KIAA0319L: variants seen among roughly 807,000 people sequenced by gnomAD.
KIAA0319L encodes dyslexia-associated protein KIAA0319-like protein.
Under a neutral mutation model 120.1 loss-of-function variants are expected in KIAA0319L, and 55 were observed. The observed-to-expected ratio is 0.46, with a 90% CI of 0.37 to 0.57. KIAA0319L has a LOEUF of 0.57. KIAA0319L is among the 20% of genes least tolerant of loss of function. KIAA0319L has a pLI of 0.00. For synonymous variants in KIAA0319L, 398 were observed against 471.9 expected (o/e 0.84, Z 2.03); for missense variants, 1,049 against 1,255.3 (o/e 0.84, Z 2.48).
intron 3 of KIAA0319L, among the ~76,000 whole-genome samples, chr1:35,492,688 C>T (rs1644642759): frequency 6.6e-6 from 1 of 151,996 alleles, no homozygotes; most frequent in African/African-American, 2.4e-5. Context: ...TTGACAAAAT[C>T]CATCAATTAT....
At chr1:35,473,968 A>G (rs2149130807) in intron 5 of KIAA0319L, among the ~76,000 whole-genome samples, 1 of 152,378 alleles carries the variant, frequency 6.6e-6, no homozygotes, top group South Asian at 2.1e-4. Flanking sequence ...ATATTAACAC[A>G]TACTTCAAAG....
intron 5 of KIAA0319L, among the ~76,000 whole-genome samples, chr1:35,474,057 G>A: frequency 6.6e-6 from 1 of 152,254 alleles, no homozygotes; most frequent in East Asian, 1.9e-4. Context: ...TTATAAACTT[G>A]AATTTTGTAT....
intron 2 of KIAA0319L, among the ~76,000 whole-genome samples, chr1:35,529,314 A>G (rs1303495109): frequency 6.6e-6 from 1 of 152,184 alleles, no homozygotes; most frequent in Non-Finnish European, 1.5e-5. Context: ...TTATTTTCAT[A>G]TCTTTTGTTC....
intron 3 of KIAA0319L, among the ~76,000 whole-genome samples, chr1:35,493,254 A>G (rs969590425): frequency 1.3e-5 from 2 of 152,158 alleles, no homozygotes; most frequent in African/African-American, 4.8e-5. Flanking sequence ...GCAACAAACA[A>G]TCAGACACTG....
intron 8 of KIAA0319L, among the ~76,000 whole-genome samples, chr1:35,461,625 C>T (rs922068781): frequency 6.6e-6 from 1 of 152,166 alleles, no homozygotes; most frequent in Non-Finnish European, 1.5e-5. Flanking sequence ...AAAATAATAA[C>T]ACCATTGACT....
At chr1:35,452,729 G>C (rs901904657) in intron 12 of KIAA0319L, among the ~76,000 whole-genome samples, 1 of 152,126 alleles carries the variant, frequency 6.6e-6, no homozygotes, top group Non-Finnish European at 1.5e-5. Flanking sequence ...CAAGAGCTGA[G>C]GGAAATAATT....
intron 9 of KIAA0319L, among the ~76,000 whole-genome samples, chr1:35,458,879 G>A (rs910094845): frequency 3.3e-5 from 5 of 151,740 alleles, no homozygotes; most frequent in Non-Finnish European, 7.4e-5. Flanking sequence ...TTTAAGCGAC[G>A]TAGAAGGCTC....
intron 3 of KIAA0319L, among the ~76,000 whole-genome samples, chr1:35,497,237 C>CA (rs377319886): frequency 3.4e-3 from 384 of 113,716 alleles, no homozygotes; most frequent in African/African-American, 9.4e-3. Context: ...AGGAAAAAGA[C>CA]AAAAAAAAAA....
At chr1:35,535,481 C>T (rs1646539882) in intron 2 of KIAA0319L, among the ~76,000 whole-genome samples, 1 of 152,146 alleles carries the variant, frequency 6.6e-6, no homozygotes, top group Non-Finnish European at 1.5e-5. Flanking sequence ...GCATTTGAAT[C>T]TCAACCCAGT....
At chr1:35,442,053 GA>G in intron 19 of KIAA0319L, among the ~76,000 whole-genome samples, 192 bp downstream of exon 19, 1 of 152,280 alleles carries the variant, frequency 6.6e-6, no homozygotes, top group South Asian at 2.1e-4. Flanking sequence ...CTCACTGAAG[GA>G]GTGTGCCTCT....
chr1:35,540,139 C>T (rs759041103), intron 2 of KIAA0319L, among the ~76,000 whole-genome samples: 1 of 152,166 alleles, frequency 6.6e-6, no homozygotes, highest in Non-Finnish European at 1.5e-5. Context: ...ACTGGGCACC[C>T]ATCTTTAGGG....
Position 35,448,196 on chromosome 1 carries a change from C to G in KIAA0319L, c.2490G>C (p.Lys830Asn), listed in dbSNP as rs1452536634. 31 of 1,613,622 alleles carry G rather than the reference C, an allele frequency of 1.9e-5. No individual in the cohort carries two copies. The highest frequency in any genetic ancestry group is 2.5e-5 in the Non-Finnish European group (30 of 1,179,820). The change falls in exon 16 of 21, where the codon AAG becomes AAC. Residue 830 changes from lysine (K) to asparagine (N), a missense_variant. Transcript: ENST00000325722. ...GVLDSDIIVQ[K>N]IQPYTEQSTK... ...ACCTCTGCTCCGTGTACGGCTGAAT[C>G]TTTTGCACAATGATGTCGGAATCCA...
intron 2 of KIAA0319L, chr1:35,510,405 GTC>G (rs1401931953): frequency 6.9e-6 from 1 of 145,228 alleles, no homozygotes; most frequent in African/African-American, 2.6e-5. Context: ...TTGAGAAGGA[GTC>G]TCACTCTGTC....
At chr1:35,525,315 A>G (rs962654644) in intron 2 of KIAA0319L, among the ~76,000 whole-genome samples, 1 of 152,194 alleles carries the variant, frequency 6.6e-6, no homozygotes, top group Non-Finnish European at 1.5e-5. Context: ...ATGGGAGTGC[A>G]CATATCCCTT....
At chr1:35,486,208 C>A (rs189434379) in intron 3 of KIAA0319L, among the ~76,000 whole-genome samples, 22 of 151,760 alleles carry the variant, frequency 1.4e-4, no homozygotes, top group Admixed American at 7.9e-4. Context: ...CATAGTGAGA[C>A]CCCGTGTCTA....
intron 2 of KIAA0319L, among the ~76,000 whole-genome samples, chr1:35,547,199 A>G (rs1647016211): frequency 6.8e-6 from 1 of 147,056 alleles, no homozygotes; most frequent in African/African-American, 2.5e-5. Flanking sequence ...ATTATATATA[A>G]TCCAGCAATT....
intron 3 of KIAA0319L, among the ~76,000 whole-genome samples, chr1:35,501,047 T>C (rs1245792025): frequency 1.3e-5 from 2 of 151,944 alleles, no homozygotes; most frequent in Non-Finnish European, 2.9e-5. Context: ...AGTCCTGGGG[T>C]TCATAGTTCA....
chr1:35,471,530 A>G (rs911387116), intron 5 of KIAA0319L, among the ~76,000 whole-genome samples: 2 of 152,166 alleles, frequency 1.3e-5, no homozygotes, highest in South Asian at 2.1e-4. Flanking sequence ...GCCCAGTGAA[A>G]TTAATTAAAA....
At chr1:35,435,291 G>A (rs1640695239) in intron 20 of KIAA0319L, 8 of 560,028 alleles carry the variant, frequency 1.4e-5, no homozygotes, top group South Asian at 6.8e-5. Context: ...CACAGAGTAC[G>A]GATGAGAGCA....
Sources: allele counts gnomAD v4.1 joint callset (sites outside exome capture counted in the v4.1 genomes callset), GRCh38; gene constraint gnomAD v4.1.1; transcripts MANE v1.5; gene names NCBI Gene and HGNC (gene_info 2026-07-23, HGNC 2026-07-21).